The following ZNF138 variants were observed in gnomAD, a reference collection of about 807,000 sequenced individuals.
The protein encoded by ZNF138 is zinc finger protein 138 (clone pHZ-32).
In ZNF138, 33 loss-of-function variants were observed where a neutral mutation model predicts 33.0. That is an observed-to-expected ratio of 1.00 (90% CI 0.76 to 1.34). The LOEUF (loss-of-function observed/expected upper bound fraction) is 1.34, where lower values mean the gene tolerates loss of function less well. Ranked by LOEUF, ZNF138 falls within the 40% of genes most tolerant of loss-of-function variation. The pLI, the probability that ZNF138 is intolerant of heterozygous loss-of-function variation, is 0.00. For missense variants in ZNF138, 360 were observed against 370.8 expected (o/e 0.97, Z 0.24); for synonymous variants, 139 against 120.4 (o/e 1.15, Z -1.01).
chr7:64,835,989 G>A (rs901015909), downstream of ZNF138: 3 of 152,334 alleles, frequency 2.0e-5, no homozygotes, highest in Middle Eastern at 0.01. Flanking sequence ...TGAGAGAGAC[G>A]AGTAAGCACA....
At position 64,820,254 on chromosome 7, in the gene ZNF138, T is replaced by G. The variant is rs146446529; in HGVS notation, c.208+4601T>G. 2.5e-3 allele frequency among the ~76,000 whole-genome samples: 382 copies of G among 151,524 alleles called. 16 individuals are homozygous for G. Among genetic ancestry groups the G allele is most frequent in the African/African-American group, 8.9e-3 (362 of 40,888 alleles). ...CACTTTGGATTTTATGGGGGCGGAG[T>G]GTGACTACTTAAGATACCTTATAAG... On this transcript the variant is annotated intron_variant, in intron 3 of 3. Coordinates refer to ENST00000307355, the MANE Select transcript of ZNF138 (RefSeq NM_001271639.2).
downstream of ZNF138, among the ~76,000 whole-genome samples, chr7:64,838,100 C>T (rs147636550): frequency 0.046 from 6,979 of 152,080 alleles, 505 homozygotes; most frequent in African/African-American, 0.15. Flanking sequence ...TGGACTTACC[C>T]GCTACCTGAA....
At chr7:64,804,564 T>C (rs1353984505) in intron 1 of ZNF138, among the ~76,000 whole-genome samples, 1 of 107,378 alleles carries the variant, frequency 9.3e-6, no homozygotes, top group Admixed American at 1.0e-4. Flanking sequence ...GGGTGGATCA[T>C]TGCAGTCAGG....
intron 1 of ZNF138, among the ~76,000 whole-genome samples, chr7:64,797,820 C>A (rs1786812398): frequency 6.6e-6 from 1 of 152,096 alleles, no homozygotes; most frequent in African/African-American, 2.4e-5. Flanking sequence ...ACTATATAAT[C>A]TTTAAGGATT....
At chr7:64,833,877 A>G (rs1790285526), downstream of ZNF138, among the ~76,000 whole-genome samples, 1 of 152,148 alleles carries the variant, frequency 6.6e-6, no homozygotes, top group Non-Finnish European at 1.5e-5. Context: ...GGCATGTACC[A>G]TCACGCCCGG....
chr7:64,860,382 C>G, the ZNF138 span, among the ~76,000 whole-genome samples: 1 of 152,106 alleles, frequency 6.6e-6, no homozygotes, highest in Non-Finnish European at 1.5e-5. Context: ...CTTATTTCTC[C>G]TAAGTGAAAC....
chr7:64,830,846 A>G (rs1206828840), intron 3 of ZNF138: 2 of 1,355,776 alleles, frequency 1.5e-6, no homozygotes, highest in Non-Finnish European at 2.0e-6. Context: ...AGGATGTGTC[A>G]GGTCTGAAAT....
chr7:64,854,482 C>T, the ZNF138 span, among the ~76,000 whole-genome samples: 4 of 152,226 alleles, frequency 2.6e-5, no homozygotes, highest in Admixed American at 6.5e-5. Flanking sequence ...CTCAAGTGAT[C>T]GGCCCACCTC....
the ZNF138 span, among the ~76,000 whole-genome samples, chr7:64,855,099 A>G: frequency 6.6e-6 from 1 of 152,182 alleles, no homozygotes; most frequent in East Asian, 1.9e-4. Context: ...AGGCCCTTAT[A>G]GGTGCGTGTG....
chr7:64,834,206 A>G (rs1284112596), downstream of ZNF138, among the ~76,000 whole-genome samples: 1 of 152,218 alleles, frequency 6.6e-6, no homozygotes, highest in Non-Finnish European at 1.5e-5. Context: ...AAAACTACAA[A>G]TGTAATACAT....
intron 1 of ZNF138, among the ~76,000 whole-genome samples, chr7:64,807,477 C>A (rs1787705717): frequency 6.6e-6 from 1 of 152,208 alleles, no homozygotes; most frequent in Non-Finnish European, 1.5e-5. Flanking sequence ...TCAGCTCTTT[C>A]ATTTTAGGTA....
intron 1 of ZNF138, chr7:64,813,982 G>A (rs1342979683): frequency 1.8e-6 from 2 of 1,091,484 alleles, no homozygotes; most frequent in South Asian, 2.2e-5. Flanking sequence ...ATTTAATCTG[G>A]CAGCTGCCTT....
intron 3 of ZNF138, among the ~76,000 whole-genome samples, chr7:64,820,483 A>T (rs568083142): frequency 1.3e-5 from 2 of 151,826 alleles, no homozygotes; most frequent in East Asian, 3.9e-4. Context: ...CTGGTACAAT[A>T]AACATAGATG....
At chr7:64,842,162 C>T in the ZNF138 span, among the ~76,000 whole-genome samples, 1 of 152,196 alleles carries the variant, frequency 6.6e-6, no homozygotes, top group African/African-American at 2.4e-5. Flanking sequence ...CTCTTGGGTG[C>T]AAGCAATGCT....
chr7:64,797,888 A>G (rs1379617611), intron 1 of ZNF138, among the ~76,000 whole-genome samples: 1 of 152,142 alleles, frequency 6.6e-6, no homozygotes, highest in East Asian at 1.9e-4. Context: ...TTAGAAGGTG[A>G]GAGGGGAATG....
intron 1 of ZNF138, among the ~76,000 whole-genome samples, chr7:64,806,731 TTAAAC>T (rs557830030): frequency 6.4e-4 from 98 of 152,362 alleles, no homozygotes; most frequent in Non-Finnish European, 1.2e-3. Flanking sequence ...TAGCTAAAAA[TTAAAC>T]TAATAATGAC....
chr7:64,850,663 C>T, the ZNF138 span, among the ~76,000 whole-genome samples: 2 of 152,168 alleles, frequency 1.3e-5, no homozygotes, highest in African/African-American at 4.8e-5. Context: ...GACTATATGA[C>T]ATGAATACAG....
chr7:64,826,011 A>G (rs977988215), intron 3 of ZNF138, among the ~76,000 whole-genome samples: 2 of 151,222 alleles, frequency 1.3e-5, no homozygotes. Context: ...TTATTTATGT[A>G]TTTTTTGTAG....
At chr7:64,843,984 C>A in the ZNF138 span, among the ~76,000 whole-genome samples, 1 of 152,074 alleles carries the variant, frequency 6.6e-6, no homozygotes, top group Non-Finnish European at 1.5e-5. Flanking sequence ...CCACCATGCC[C>A]AGCTAATTTT....
Sources: gnomAD v4.1 joint callset for allele counts (sites outside exome capture counted in the v4.1 genomes callset) on GRCh38, gnomAD v4.1.1 for gene constraint, MANE v1.5 for transcripts, NCBI Gene and HGNC (gene_info 2026-07-23, HGNC 2026-07-21) for gene names.